RNF43: variants seen among roughly 807,000 people sequenced by gnomAD.
RNF43 encodes ring finger protein 43.
Under a neutral mutation model 78.4 loss-of-function variants are expected in RNF43, and 37 were observed. The observed-to-expected ratio is 0.47, with a 90% CI of 0.36 to 0.62. RNF43 has a LOEUF of 0.62. RNF43 is among the 20% of genes least tolerant of loss of function. The pLI is 0.00. For synonymous variants in RNF43, 347 were observed against 395.0 expected, an observed-to-expected ratio of 0.88 and a Z score of 1.44; for missense variants, 774 against 1,007.9, an observed-to-expected ratio of 0.77 and a Z score of 3.14.
At chr17:58,411,320 C>A (rs570256709) in intron 2 of RNF43, among the ~76,000 whole-genome samples, 18 of 151,832 alleles carry the variant, frequency 1.2e-4, no homozygotes, top group African/African-American at 4.4e-4. Flanking sequence ...GTCAAGCCCC[C>A]CAAGTCACAG....
At chr17:58,403,513 T>C (rs1372193440) in intron 2 of RNF43, among the ~76,000 whole-genome samples, 3 of 152,240 alleles carry the variant, frequency 2.0e-5, no homozygotes, top group Non-Finnish European at 4.4e-5. Flanking sequence ...GGAACAGGCC[T>C]GCCTGTACAA....
chr17:58,388,217 C>G (rs1022814279), intron 2 of RNF43, among the ~76,000 whole-genome samples: 2 of 152,202 alleles, frequency 1.3e-5, no homozygotes, highest in African/African-American at 4.8e-5. Flanking sequence ...AAGCCAAAAC[C>G]TACCTGAAAT....
rs914558546 is a variant in RNF43 at position 58,363,696 on chromosome 17, G to A, written c.376-96C>T. 1.8e-5 allele frequency: 18 copies of A among 1,026,778 alleles called. 1 individual carries two copies. Among genetic ancestry groups the A allele is most frequent in the Admixed American group, 4.4e-5 (2 of 45,332 alleles). The allele number at this position is 1,026,778 out of a possible 1,614,324, so 63.6% of individuals were successfully genotyped here. A position where few individuals can be genotyped will look rare whatever the true frequency, so the allele number is the denominator to read the frequency against. ...CCCCTCACACATCTATCCCTTCCTAGGATTATGCCCACAGCACATCTTTGC... is the reference window on the plus strand; with the variant it reads ...CCCCTCACACATCTATCCCTTCCTAAGATTATGCCCACAGCACATCTTTGC... On this transcript the variant is annotated intron_variant, in intron 3 of 9. Coordinates refer to ENST00000407977, the MANE Select transcript of RNF43 (RefSeq NM_017763.6).
chr17:58,363,800 C>T lies in RNF43; in HGVS notation c.376-200G>A, dbSNP rs558553630. On this transcript the variant is annotated intron_variant, in intron 3 of 9. Coordinates refer to ENST00000407977, the MANE Select transcript of RNF43 (RefSeq NM_017763.6). ...CCTCCTGAGCTCACTCAGGTCCCCACTGCCTTCAAGGGATAATATCTAGCT... is the reference window on the plus strand; with the variant it reads ...CCTCCTGAGCTCACTCAGGTCCCCATTGCCTTCAAGGGATAATATCTAGCT... Among the ~76,000 whole-genome samples the T allele has an allele frequency of 5.0e-4, 76 of 152,344 alleles. 1 individual carries two copies. Among genetic ancestry groups the T allele is most frequent in the African/African-American group, 1.8e-3 (73 of 41,582 alleles).
chr17:58,416,087 T>C (rs1191782453), intron 1 of RNF43, 125 bp from the exon 2 acceptor site: 2 of 176,758 alleles, frequency 1.1e-5, no homozygotes, highest in African/African-American at 4.7e-5. Context: ...ATAATATGTG[T>C]TAATGGTAAA....
At chr17:58,362,710 G>T in intron 5 of RNF43, 62 bp from the exon 6 acceptor site, 2 of 1,314,606 alleles carry the variant, frequency 1.5e-6, no homozygotes, top group South Asian at 1.3e-5. Context: ...CAATTCGGGA[G>T]GAAACACAGG....
intron 3 of RNF43, among the ~76,000 whole-genome samples, chr17:58,364,598 C>G (rs1405519156): frequency 6.6e-6 from 1 of 152,182 alleles, no homozygotes; most frequent in Non-Finnish European, 1.5e-5. Context: ...GGCCTCCCGG[C>G]CTAGCACAGC....
Position 58,360,504 on chromosome 17 carries a change from C to G in RNF43, c.850-253G>C, listed in dbSNP as rs1231293859. Among the ~76,000 whole-genome samples the G allele has an allele frequency of 6.6e-6, 1 of 152,166 alleles. No individual in the cohort carries two copies. The highest frequency in any genetic ancestry group is 1.5e-5 in the Non-Finnish European group (1 of 68,034). Reference sequence around the variant, plus strand: ...ATGAAGATAAAAAAATGAATCTAACCCCACCCTTCATTGCCATGGGTCTAA... The same window carrying G: ...ATGAAGATAAAAAAATGAATCTAACGCCACCCTTCATTGCCATGGGTCTAA... On this transcript the variant is annotated intron_variant, in intron 7 of 9. Coordinates refer to ENST00000407977, the MANE Select transcript of RNF43 (RefSeq NM_017763.6). This position sits in a 1 kb window ranked among gnomAD's most constrained non-coding sequence, Gnocchi z 4.3.
At chr17:58,367,120 C>A (rs1972972285) in intron 3 of RNF43, among the ~76,000 whole-genome samples, 1 of 151,804 alleles carries the variant, frequency 6.6e-6, no homozygotes, top group African/African-American at 2.4e-5. Flanking sequence ...CCTGTCTCAG[C>A]CTCCTCAGTA....
chr17:58,405,766 A>AAAGAAAG (rs1325942339), intron 2 of RNF43, among the ~76,000 whole-genome samples: 25 of 133,432 alleles, frequency 1.9e-4, no homozygotes, highest in African/African-American at 5.9e-4. Flanking sequence ...AAGAAAGAAA[A>AAAGAAAG]AGAGAAAATA....
chr17:58,374,900 C>T (rs1415844526), intron 2 of RNF43, among the ~76,000 whole-genome samples: 2 of 152,092 alleles, frequency 1.3e-5, no homozygotes, highest in East Asian at 3.9e-4. Flanking sequence ...ATTCTATCCC[C>T]AAAACTGCTC....
At chr17:58,387,617 GC>G (rs546329231) in intron 2 of RNF43, among the ~76,000 whole-genome samples, 1 of 151,692 alleles carries the variant, frequency 6.6e-6, no homozygotes, top group Non-Finnish European at 1.5e-5. Context: ...CCAAGACTGT[GC>G]CACTGCTCTC....
intron 9 of RNF43, among the ~76,000 whole-genome samples, chr17:58,356,664 C>T (rs986765031): frequency 6.6e-6 from 1 of 152,078 alleles, no homozygotes; most frequent in African/African-American, 2.4e-5. Flanking sequence ...TGGTTTCTCT[C>T]TCTCTCTTTT....
chr17:58,389,748 T>C (rs1444159595), intron 2 of RNF43, among the ~76,000 whole-genome samples: 2 of 152,240 alleles, frequency 1.3e-5, no homozygotes, highest in South Asian at 2.1e-4. Flanking sequence ...GCTTCAAAGC[T>C]TTCTTGTATC....
chr17:58,389,353 G>A (rs1224346016), intron 2 of RNF43, among the ~76,000 whole-genome samples: 1 of 152,016 alleles, frequency 6.6e-6, no homozygotes, highest in Non-Finnish European at 1.5e-5. Flanking sequence ...GGGGAAATTA[G>A]AAAAAAGCTA....
intron 3 of RNF43, among the ~76,000 whole-genome samples, chr17:58,364,708 C>T (rs1001726109): frequency 6.6e-6 from 1 of 152,256 alleles, no homozygotes; most frequent in African/African-American, 2.4e-5. Context: ...CCCCCAAAGT[C>T]TCTGGGGTCT....
chr17:58,403,329 A>G (rs1266817728), intron 2 of RNF43, among the ~76,000 whole-genome samples: 4 of 152,178 alleles, frequency 2.6e-5, no homozygotes, highest in African/African-American at 9.6e-5. Flanking sequence ...TCTCCTCCAA[A>G]CTTTCTTTGA....
intron 2 of RNF43, among the ~76,000 whole-genome samples, chr17:58,403,924 T>G (rs1246867636): frequency 1.3e-5 from 2 of 152,248 alleles, no homozygotes; most frequent in African/African-American, 4.8e-5. Flanking sequence ...TTCAGGTTTT[T>G]CCAAAGGTTA....
intron 8 of RNF43, among the ~76,000 whole-genome samples, chr17:58,359,347 C>T (rs529068250): frequency 6.6e-6 from 1 of 151,976 alleles, no homozygotes; most frequent in Admixed American, 6.5e-5. Context: ...CCTGTAATCC[C>T]AGCACTTGGG....
Sources: allele counts gnomAD v4.1 joint callset (sites outside exome capture counted in the v4.1 genomes callset), GRCh38; gene constraint gnomAD v4.1.1; non-coding constraint Gnocchi (gnomAD v3.1); transcripts MANE v1.5; gene names NCBI Gene and HGNC (gene_info 2026-07-23, HGNC 2026-07-21).